Variants in DUS1L observed in about 807,000 individuals in gnomAD.
The protein encoded by DUS1L is tRNA-dihydrouridine(16/17) synthase [NAD(P)(+)]-like.
Under a neutral mutation model 61.2 loss-of-function variants are expected in DUS1L, and 56 were observed. The ratio of observed to expected loss-of-function variants is 0.92; its 90% CI spans 0.74 to 1.14. The LOEUF (loss-of-function observed/expected upper bound fraction) is 1.14, where lower values mean the gene tolerates loss of function less well. DUS1L is among the 50% of genes most tolerant of loss of function. The probability of loss-of-function intolerance (pLI) is 0.00; values close to 1 mark genes in which losing one functional copy is unlikely to be tolerated. For synonymous variants in DUS1L, 278 were observed against 259.5 expected (o/e 1.07, Z -0.69); for missense variants, 630 against 632.4 (o/e 1.00, Z 0.04).
In DUS1L at chr17:82,058,091, C is replaced by G; in HGVS notation, c.*24G>C. ...GACGTGTCCAGGCTCCAGCAGCAGT[C>G]CTGGGGGTGGGGGTTGTGGGCCTTC... On this transcript the variant is annotated 3_prime_UTR_variant, in exon 14 of 14. Coordinates refer to ENST00000306796, the MANE Select transcript of DUS1L (RefSeq NM_022156.5). 6.6e-7 allele frequency: 1 copy of G among 1,517,820 alleles called. No individual in the cohort carries two copies. The highest frequency in any genetic ancestry group is 2.4e-5 in the East Asian group (1 of 41,426). The allele number at this position is 1,517,820 out of a possible 1,614,324, so 94.0% of individuals were successfully genotyped here. A position where few individuals can be genotyped will look rare whatever the true frequency, so the allele number is the denominator to read the frequency against.
intron 5 of DUS1L, among the ~76,000 whole-genome samples, chr17:82,062,590 C>T (rs1279679380): frequency 2.0e-5 from 3 of 152,250 alleles, no homozygotes; most frequent in African/African-American, 7.2e-5. Flanking sequence ...GAGGCCCTGC[C>T]GGCCTCTGTG....
Position 82,058,121 on chromosome 17 carries a change from C to G in DUS1L, c.1416G>C (p.Leu472=). Residue 472 remains leucine, a synonymous_variant, in exon 14 of 14, where the codon CTG becomes CTC. Transcript: ENST00000306796. ...GGFSEVMGSA[L]A ...GGGTGGGGGTTGTGGGCCTTCAGGC[C>G]AGGGCACTGCCCATGACTTCGGAGA... 6.4e-7 allele frequency: 1 copy of G among 1,567,552 alleles called. No individual in the cohort carries two copies. Among genetic ancestry groups the G allele is most frequent in the Admixed American group, 1.8e-5 (1 of 55,050 alleles).
At chr17:82,064,101 C>T in intron 3 of DUS1L, 25 bp downstream of exon 3, 4 of 1,598,602 alleles carry the variant, frequency 2.5e-6, no homozygotes, top group Non-Finnish European at 2.6e-6. Flanking sequence ...GCCCCAGGTG[C>T]CCCCATGCTC....
rs1408922305 is a variant in DUS1L, at chr17:82,062,865, C to T, written c.506G>A (p.Cys169Tyr). Residue 169 changes from cysteine (C) to tyrosine (Y), a missense_variant, in exon 5 of 14, where the codon TGC becomes TAC. Transcript: ENST00000306796. ...CCCCGCGAGCCCAGGGCTCACCTGG[C>T]AGCCGGCCTTCTCCAGCATCTGGGC... is the stretch of plus-strand genomic sequence containing the variant. Reference protein sequence around the residue: ...RYAQMLEKAGCQLLTVHGRTK... With the variant: ...RYAQMLEKAGYQLLTVHGRTK... 2 of 1,612,570 alleles carry T rather than the reference C, an allele frequency of 1.2e-6. No individual in the cohort carries two copies. Among genetic ancestry groups the T allele is most frequent in the East Asian group, 2.2e-5 (1 of 44,882 alleles).
In DUS1L at chr17:82,065,036, C is replaced by T. The variant is rs150791535; in HGVS notation, c.24G>A (p.Glu8=). The change falls in exon 2 of 14, where the codon GAG becomes GAA. Residue 8 remains glutamate, a synonymous_variant. Transcript: ENST00000306796. The part of the protein sequence containing the change: MPKLQGF[E]FWSRTLRGAR... ...CCCCTCGCAGGGTGCGGCTCCAGAA[C>T]TCGAAGCCCTGCAGCTTTGGCATCG... 470 of 1,602,966 alleles carry T rather than the reference C, an allele frequency of 2.9e-4. No individual in the cohort carries two copies. The highest frequency in any genetic ancestry group is 3.9e-4 in the Non-Finnish European group (452 of 1,173,998).
In DUS1L at chr17:82,060,705, G is replaced by A. The variant is rs1357047041; in HGVS notation, c.1018C>T (p.Pro340Ser). ...CAGGGCTGGCTGGGCTCTCACCCCG[G>A]CCGGATGTAGGGCTGGCAGATCCAG... Reference protein sequence around the residue: ...FHWICQPYIRPGPREGSKEKA... With the variant: ...FHWICQPYIRSGPREGSKEKA... The change falls in exon 10 of 14, where the codon CCG becomes TCG. Residue 340 changes from proline to serine, a missense_variant. By Grantham distance (74) the Pro-to-Ser change is moderately conservative. Coordinates refer to ENST00000306796, the MANE Select transcript of DUS1L (RefSeq NM_022156.5). 3 of 1,612,510 alleles carry A rather than the reference G, an allele frequency of 1.9e-6. No homozygotes were observed. The highest frequency in any genetic ancestry group is 1.7e-6 in the Non-Finnish European group (2 of 1,179,826).
In DUS1L at chr17:82,059,977, G is replaced by A. The variant is rs779909564; in HGVS notation, c.1139C>T (p.Pro380Leu). ...CAGAGAGGGGTCGAAGGTCTTGTGG[G>A]GGTTCCTCAGCTGCTTCTTTTGCTT... ...KNKQKKQLRN[P>L]HKTFDPSLKP... The change falls in exon 11 of 14, where the codon CCC (proline) becomes CTC (leucine). Residue 380 changes from proline to leucine, a missense_variant. Coordinates refer to ENST00000306796, the MANE Select transcript of DUS1L (RefSeq NM_022156.5). 1.2e-5 allele frequency: 19 copies of A among 1,613,854 alleles called. No individual in the cohort carries two copies. In the Admixed American group the frequency reaches 1.7e-4, roughly 14 times the overall value.
chr17:82,062,749 C>T, intron 5 of DUS1L, 112 bp downstream of exon 5: 2 of 909,756 alleles, frequency 2.2e-6, no homozygotes, highest in East Asian at 2.6e-5. Flanking sequence ...AGGGCCACTG[C>T]CCCCATGAGG....
intron 5 of DUS1L, among the ~76,000 whole-genome samples, chr17:82,062,575 C>T (rs1036090083): frequency 2.0e-5 from 3 of 152,242 alleles, no homozygotes; most frequent in African/African-American, 7.2e-5. Flanking sequence ...TGAGTATCCC[C>T]AAAGGAGGCC....
intron 6 of DUS1L, 65 bp downstream of exon 6, chr17:82,061,836 G>C (rs1214081546): frequency 6.3e-7 from 1 of 1,588,306 alleles, no homozygotes; most frequent in Non-Finnish European, 8.6e-7. Flanking sequence ...GCACCCTGAG[G>C]TGTGGAGCTG....
In DUS1L at chr17:82,060,213, A is replaced by AGGAGTGCTGCTGCT. The variant is rs1555659972; in HGVS notation, c.1023-121_1023-120insAGCAGCAGCACTCC. Reference sequence around the variant, plus strand: ...GGCCGTGGCGAGTGCCGCTGCTGTGAGGAGTGCCCTCCTTTCCCTCGGGCA... The same window carrying AGGAGTGCTGCTGCT: ...GGCCGTGGCGAGTGCCGCTGCTGTGAGGAGTGCTGCTGCTGGAGTGCCCTCCTTTCCCTCGGGCA... On this transcript the variant is annotated intron_variant, in intron 10 of 13. Coordinates refer to ENST00000306796, the MANE Select transcript of DUS1L (RefSeq NM_022156.5). 102 of 1,206,362 alleles carry AGGAGTGCTGCTGCT rather than the reference A, an allele frequency of 8.5e-5. No homozygotes were observed. In the African/African-American group the frequency reaches 2.9e-3, roughly 35 times the overall value. 74.7% of individuals were successfully genotyped at this position (1,206,362 alleles called of 1,614,324 possible). A position where few individuals can be genotyped will look rare whatever the true frequency, so the allele number is the denominator to read the frequency against.
At chr17:82,061,864 C>T (rs2144734798) in intron 6 of DUS1L, 37 bp downstream of exon 6, 4 of 1,592,206 alleles carry the variant, frequency 2.5e-6, no homozygotes, top group Non-Finnish European at 3.4e-6. Context: ...CAGCAAAGCC[C>T]CAAGGACTGA....
intron 3 of DUS1L, 24 bp from the exon 4 acceptor site, chr17:82,063,542 G>A: frequency 1.9e-6 from 3 of 1,612,998 alleles, no homozygotes; most frequent in Non-Finnish European, 2.5e-6. Context: ...GCATGGCCTG[G>A]CTGGCACCTG....
chr17:82,058,905 C>A, intron 11 of DUS1L, 87 bp from the exon 12 acceptor site: 1 of 1,262,718 alleles, frequency 7.9e-7, no homozygotes. Flanking sequence ...ACGGAGCCTG[C>A]TGATGGCGTC....
chr17:82,061,006 C>T (rs771881321), intron 8 of DUS1L, 45 bp from the exon 9 acceptor site: 10 of 1,589,764 alleles, frequency 6.3e-6, no homozygotes, highest in African/African-American at 1.3e-5. Context: ...CCGGCTCCAC[C>T]GTCAGGCCCC....
In DUS1L at chr17:82,061,201, C is replaced by T; in HGVS notation, c.842+8G>A. The stretch of plus-strand genomic sequence containing the variant: ...CCAACGTGGCTTCTGCCTTAGGGGG[C>T]AACTCACGTGTGGTGCCACAGCTTG... On this transcript the variant is annotated splice_region_variant and intron_variant, in intron 8 of 13. Coordinates refer to ENST00000306796, the MANE Select transcript of DUS1L (RefSeq NM_022156.5). 1 of 1,578,476 alleles carries T rather than the reference C, an allele frequency of 6.3e-7. No homozygotes were observed. Among genetic ancestry groups the T allele is most frequent in the Non-Finnish European group, 8.6e-7 (1 of 1,158,956 alleles).
At chr17:82,064,690 C>T in intron 2 of DUS1L, 133 bp downstream of exon 2, 1 of 915,542 alleles carries the variant, frequency 1.1e-6, no homozygotes, top group Non-Finnish European at 1.6e-6. Flanking sequence ...CCACCTTCTC[C>T]CTCTCCTCCT....
rs375743917 is a variant in DUS1L, at chr17:82,058,837, G to C, written c.1169-19C>G. On this transcript the variant is annotated intron_variant, in intron 11 of 13. Coordinates refer to ENST00000306796, the MANE Select transcript of DUS1L (RefSeq NM_022156.5). The stretch of plus-strand genomic sequence containing the variant: ...TATTTTGCTAGGAAAAGAACAAAAG[G>C]GTGCTGGTGAGTGAGGGCCAGGGTG... The C allele has an allele frequency of 1.2e-6, 2 of 1,609,326 alleles. No homozygotes were observed. The highest frequency in any genetic ancestry group is 1.3e-5 in the African/African-American group (1 of 74,834).
rs1329703014 is a variant in DUS1L at position 82,058,245 on chromosome 17, A to G, written c.1292T>C (p.Leu431Ser). 2 of 1,581,126 alleles carry G rather than the reference A, an allele frequency of 1.3e-6. No individual in the cohort carries two copies. Reference sequence around the variant, plus strand: ...CTTCTCCAATTTGGTTTTAAAAAGCAATCCGTGACCTGGCAGAGCGAGTGA... The same window carrying G: ...CTTCTCCAATTTGGTTTTAAAAAGCGATCCGTGACCTGGCAGAGCGAGTGA... ...KETADCPGHG[L>S]LFKTKLEKSL... is the part of the protein sequence containing the mutation. Residue 431 changes from leucine (L) to serine (S), a missense_variant, in exon 14 of 14, where the codon TTG (leucine) becomes TCG (serine). Transcript: ENST00000306796.
Sources: gnomAD v4.1 joint callset for allele counts (sites outside exome capture counted in the v4.1 genomes callset) on GRCh38, gnomAD v4.1.1 for gene constraint, MANE v1.5 for transcripts, NCBI Gene and HGNC (gene_info 2026-07-23, HGNC 2026-07-21) for gene names.